Variants in EXOC6B observed in about 807,000 individuals in gnomAD.
EXOC6B encodes the protein SEC15 homolog B.
Under a neutral mutation model 113.5 loss-of-function variants are expected in EXOC6B, and 54 were observed. The ratio of observed to expected loss-of-function variants is 0.48; its 90% CI spans 0.38 to 0.60. EXOC6B has a LOEUF of 0.60. Ranked by LOEUF, EXOC6B falls within the 20% of genes least tolerant of loss-of-function variation. The pLI is 0.00. For missense variants in EXOC6B, 797 were observed against 977.5 expected, an observed-to-expected ratio of 0.82 and a Z score of 2.46; for synonymous variants, 357 against 339.0, an observed-to-expected ratio of 1.05 and a Z score of -0.58.
chr2:72,485,428 GT>G (rs1699367729), intron 16 of EXOC6B, among the ~76,000 whole-genome samples: 1 of 152,152 alleles, frequency 6.6e-6, no homozygotes, highest in Non-Finnish European at 1.5e-5. Flanking sequence ...CCTCTCAACT[GT>G]TAAATTTGCA....
intron 19 of EXOC6B, among the ~76,000 whole-genome samples, chr2:72,375,022 T>C (rs993644378): frequency 6.6e-6 from 1 of 150,692 alleles, no homozygotes; most frequent in East Asian, 1.9e-4. Context: ...AGTGGGTCAA[T>C]ACCAGTATCA....
intron 6 of EXOC6B, among the ~76,000 whole-genome samples, chr2:72,644,259 A>G (rs1236089644): frequency 1.3e-5 from 2 of 152,192 alleles, no homozygotes; most frequent in African/African-American, 4.8e-5. Flanking sequence ...AAACAGCAAA[A>G]AGAAATGAAC....
chr2:72,506,292 G>A (rs1700591391), intron 11 of EXOC6B, among the ~76,000 whole-genome samples: 1 of 152,132 alleles, frequency 6.6e-6, no homozygotes, highest in African/African-American at 2.4e-5. Context: ...TGCCTAGATA[G>A]GAGATTTCTT....
chr2:72,414,128 T>C (rs1270386197), intron 18 of EXOC6B, among the ~76,000 whole-genome samples: 1 of 152,210 alleles, frequency 6.6e-6, no homozygotes, highest in African/African-American at 2.4e-5. Context: ...TTCTTTATAT[T>C]TTAGCTTTAA....
intron 8 of EXOC6B, among the ~76,000 whole-genome samples, chr2:72,522,930 C>T (rs1701569451): frequency 6.6e-6 from 1 of 152,198 alleles, no homozygotes; most frequent in South Asian, 2.1e-4. Flanking sequence ...AACTCCTTTT[C>T]TTCCAACACA....
intron 1 of EXOC6B, among the ~76,000 whole-genome samples, chr2:72,794,257 G>A (rs1327771210): frequency 6.6e-6 from 1 of 152,162 alleles, no homozygotes; most frequent in Non-Finnish European, 1.5e-5. Context: ...TCTTAAGTAT[G>A]TGTCACATGA....
intron 11 of EXOC6B, among the ~76,000 whole-genome samples, chr2:72,505,881 T>C (rs925320838): frequency 6.6e-6 from 1 of 152,136 alleles, no homozygotes; most frequent in Non-Finnish European, 1.5e-5. Flanking sequence ...TTTCTGTATC[T>C]ACTGAAATGA....
intron 2 of EXOC6B, among the ~76,000 whole-genome samples, chr2:72,740,265 C>T (rs1681217108): frequency 6.6e-6 from 1 of 151,782 alleles, no homozygotes; most frequent in Non-Finnish European, 1.5e-5. Flanking sequence ...AACCCCATGC[C>T]CAGGAAAATC....
intron 20 of EXOC6B, among the ~76,000 whole-genome samples, chr2:72,189,222 T>G (rs1411520367): frequency 3.3e-5 from 5 of 152,208 alleles, no homozygotes; most frequent in African/African-American, 1.2e-4. Flanking sequence ...TCTGGAATAT[T>G]TATACAACCT....
chr2:72,558,475 T>C (rs1040765377), intron 8 of EXOC6B, among the ~76,000 whole-genome samples: 1 of 152,092 alleles, frequency 6.6e-6, no homozygotes, highest in African/African-American at 2.4e-5. Flanking sequence ...ATGTTAAATA[T>C]GTGAACAAAG....
Position 72,825,856 on chromosome 2 carries a change from C to A in EXOC6B, c.55G>T (p.Glu19Ter). The A allele has an allele frequency of 6.2e-7, 1 of 1,613,610 alleles. No individual in the cohort carries two copies. Among genetic ancestry groups the A allele is most frequent in the Non-Finnish European group, 8.5e-7 (1 of 1,179,738 alleles). Residue 19 changes from glutamate to a stop codon, truncating the protein, a stop_gained, in exon 1 of 22, where the codon GAG (glutamate) becomes TAG (stop). Transcript: ENST00000272427. LOFTEE classifies it high-confidence loss of function. This position sits in a 1 kb window ranked among gnomAD's most constrained non-coding sequence, Gnocchi z 4.4. ...CTCTCGATCTCTCGCAGGATCCGCT[C>A]GTGCTCTGCCGCTGTCTCCAGGCTC... is the stretch of plus-strand genomic sequence containing the variant. ...AESLETAAEHERILREIESTD... is the reference protein window; with the variant it reads ...AESLETAAEH
At chr2:72,417,894 T>C (rs1367822369) in intron 18 of EXOC6B, among the ~76,000 whole-genome samples, 1 of 152,166 alleles carries the variant, frequency 6.6e-6, no homozygotes, top group Non-Finnish European at 1.5e-5. Context: ...TTTTATCTTA[T>C]TTTGAGTAGC....
chr2:72,676,741 C>T (rs1477502211), intron 6 of EXOC6B, among the ~76,000 whole-genome samples: 1 of 152,158 alleles, frequency 6.6e-6, no homozygotes, highest in Non-Finnish European at 1.5e-5. Flanking sequence ...AACCACCGAA[C>T]ACCATTTCTT....
chr2:72,769,787 G>A (rs768117746), intron 1 of EXOC6B, among the ~76,000 whole-genome samples: 1 of 152,112 alleles, frequency 6.6e-6, no homozygotes, highest in Non-Finnish European at 1.5e-5. Flanking sequence ...ACTCCAGCCT[G>A]GGCGACAGAG....
At chr2:72,806,235 T>C (rs1232697556) in intron 1 of EXOC6B, among the ~76,000 whole-genome samples, 4 of 152,202 alleles carry the variant, frequency 2.6e-5, no homozygotes, top group African/African-American at 4.8e-5. Flanking sequence ...TATGTCCATG[T>C]GTACTTAACA....
At chr2:72,747,334 T>G (rs1183603361) in intron 1 of EXOC6B, among the ~76,000 whole-genome samples, 1 of 152,088 alleles carries the variant, frequency 6.6e-6, no homozygotes, top group African/African-American at 2.4e-5. Context: ...AGAAAAGGTT[T>G]TCTTTCCTGA....
At chr2:72,343,666 G>T (rs1044908616) in intron 19 of EXOC6B, among the ~76,000 whole-genome samples, 13 of 151,914 alleles carry the variant, frequency 8.6e-5, no homozygotes, top group African/African-American at 3.1e-4. Flanking sequence ...TCCCTCACTT[G>T]AAGGATAATT....
At chr2:72,211,406 A>G (rs1167474328) in intron 20 of EXOC6B, among the ~76,000 whole-genome samples, 1 of 152,184 alleles carries the variant, frequency 6.6e-6, no homozygotes, top group Non-Finnish European at 1.5e-5. Flanking sequence ...AGGCAAAGGA[A>G]AGCCTTGGGA....
intron 6 of EXOC6B, among the ~76,000 whole-genome samples, chr2:72,589,530 G>GA (rs67643057): frequency 0.59 from 88,571 of 149,210 alleles, 31,901 homozygotes; most frequent in East Asian, 0.99. Flanking sequence ...CACATTCCAG[G>GA]AAAAAAAAAA....
Sources: gnomAD v4.1 joint callset for allele counts (sites outside exome capture counted in the v4.1 genomes callset) on GRCh38, gnomAD v4.1.1 for gene constraint, Gnocchi (gnomAD v3.1) non-coding constraint, MANE v1.5 for transcripts, NCBI Gene and HGNC (gene_info 2026-07-23, HGNC 2026-07-21) for gene names.